The following RORA variants were observed in gnomAD, a reference collection of about 807,000 sequenced individuals.
RORA encodes nuclear receptor ROR-alpha.
In RORA, 7 loss-of-function variants were observed where a neutral mutation model predicts 69.5. The observed-to-expected ratio is 0.10, with a 90% CI of 0.06 to 0.19. The LOEUF (loss-of-function observed/expected upper bound fraction) is 0.19, where lower values mean the gene tolerates loss of function less well. Among genes scored for constraint, RORA ranks in the 10% least tolerant of loss-of-function variants. The pLI, the probability that RORA is intolerant of heterozygous loss-of-function variation, is 1.00. For synonymous variants in RORA, 261 were observed against 240.8 expected (o/e 1.08, Z -0.78); for missense variants, 457 against 663.0 (o/e 0.69, Z 3.41).
intron 2 of RORA, chr15:60,558,436 C>G (rs770257956): frequency 1.9e-5 from 11 of 589,668 alleles, no homozygotes; most frequent in Non-Finnish European, 3.3e-5. Flanking sequence ...TAATAGATCT[C>G]ATACACCAGA....
At chr15:60,915,788 C>G (rs1401357329) in intron 1 of RORA, among the ~76,000 whole-genome samples, 1 of 152,138 alleles carries the variant, frequency 6.6e-6, no homozygotes, top group African/African-American at 2.4e-5. Context: ...GGGTTCAAAT[C>G]CCAACAGGCT....
At chr15:61,102,117 G>C (rs2078888652) in intron 1 of RORA, among the ~76,000 whole-genome samples, 1 of 152,082 alleles carries the variant, frequency 6.6e-6, no homozygotes. Flanking sequence ...TCAGCACAAG[G>C]TTCTGCACCC....
At chr15:60,910,362 T>A (rs1182975232) in intron 1 of RORA, among the ~76,000 whole-genome samples, 1 of 152,212 alleles carries the variant, frequency 6.6e-6, no homozygotes, top group Non-Finnish European at 1.5e-5. Flanking sequence ...TGAATATTAA[T>A]CCCAGGCAAG....
chr15:60,735,514 C>T (rs1228626093), intron 1 of RORA, among the ~76,000 whole-genome samples: 1 of 151,784 alleles, frequency 6.6e-6, no homozygotes, highest in Non-Finnish European at 1.5e-5. Context: ...TGAAATAAAA[C>T]CAGATGCGCT....
intron 1 of RORA, among the ~76,000 whole-genome samples, chr15:61,186,951 AT>A (rs2079749279): frequency 6.6e-6 from 1 of 152,200 alleles, no homozygotes; most frequent in African/African-American, 2.4e-5. Context: ...ATGGCTCCCA[AT>A]CTTGGAGGCA....
chr15:61,171,838 G>A (rs2079587914), intron 1 of RORA, among the ~76,000 whole-genome samples: 1 of 152,164 alleles, frequency 6.6e-6, no homozygotes, highest in South Asian at 2.1e-4. Flanking sequence ...TGAGGCAGCT[G>A]GGGAGAGGAA....
At chr15:60,608,147 T>C (rs2140573363) in intron 2 of RORA, among the ~76,000 whole-genome samples, 1 of 152,332 alleles carries the variant, frequency 6.6e-6, no homozygotes, top group Non-Finnish European at 1.5e-5. Context: ...AGATAAATTT[T>C]CTCGGCTCCT....
At chr15:60,987,365 C>T (rs1283890162) in intron 1 of RORA, among the ~76,000 whole-genome samples, 1 of 152,150 alleles carries the variant, frequency 6.6e-6, no homozygotes, top group African/African-American at 2.4e-5. Flanking sequence ...AAGCTCAACT[C>T]AAATCCTACC....
intron 2 of RORA, among the ~76,000 whole-genome samples, chr15:60,565,960 C>T (rs143206464): frequency 4.1e-4 from 63 of 152,320 alleles, no homozygotes; most frequent in African/African-American, 1.4e-3. Context: ...TGCTGGTAAA[C>T]TGTTAATTAA....
At position 61,219,748 on chromosome 15, in the gene RORA, T is replaced by C. The variant is rs563491223; in HGVS notation, c.166+9305A>G. ...TTACCTTTGTCAGCATCAGTTCAAA[T>C]AGGGTGGGCTAGGCTCGCTGATTCA... On this transcript the variant is annotated intron_variant, in intron 1 of 10. Coordinates refer to ENST00000335670, the MANE Select transcript of RORA (RefSeq NM_134261.3). 8.0e-4 allele frequency among the ~76,000 whole-genome samples: 122 copies of C among 152,260 alleles called. 1 individual carries two copies. Among genetic ancestry groups the C allele is most frequent in the African/African-American group, 2.7e-3 (111 of 41,544 alleles).
intron 1 of RORA, among the ~76,000 whole-genome samples, chr15:61,178,895 G>A (rs1401197587): frequency 6.6e-6 from 1 of 152,152 alleles, no homozygotes; most frequent in African/African-American, 2.4e-5. Flanking sequence ...TTCTGATGGG[G>A]TAAAATGTAT....
At chr15:61,067,698 G>A (rs951359296) in intron 1 of RORA, among the ~76,000 whole-genome samples, 9 of 152,246 alleles carry the variant, frequency 5.9e-5, no homozygotes, top group South Asian at 2.1e-4. Context: ...GTTCTCATCC[G>A]GTACAACATG....
chr15:60,607,359 C>A, intron 2 of RORA, among the ~76,000 whole-genome samples: 1 of 152,198 alleles, frequency 6.6e-6, no homozygotes, highest in East Asian at 1.9e-4. Flanking sequence ...CCCCTTCCCC[C>A]TATAAAGTGA....
chr15:61,170,452 A>G (rs1304620616), intron 1 of RORA, among the ~76,000 whole-genome samples: 1 of 152,050 alleles, frequency 6.6e-6, no homozygotes, highest in Non-Finnish European at 1.5e-5. Flanking sequence ...CCCGCCTCTT[A>G]TAAGGACCTG....
At chr15:61,099,305 A>G (rs946174146) in intron 1 of RORA, among the ~76,000 whole-genome samples, 9 of 152,088 alleles carry the variant, frequency 5.9e-5, no homozygotes, top group African/African-American at 2.2e-4. Flanking sequence ...CCGGTTCACA[A>G]CCTCCCAGTG....
chr15:61,087,441 C>A (rs993908963), intron 1 of RORA, among the ~76,000 whole-genome samples: 1 of 152,236 alleles, frequency 6.6e-6, no homozygotes, highest in Non-Finnish European at 1.5e-5. Context: ...TTGAAATTCA[C>A]TCAGCTGTTT....
intron 1 of RORA, among the ~76,000 whole-genome samples, chr15:60,779,218 G>A (rs141880470): frequency 1.7e-3 from 258 of 152,242 alleles, no homozygotes; most frequent in African/African-American, 5.4e-3. Flanking sequence ...ATGAAAACCC[G>A]TCCTAGGAAC....
chr15:60,966,912 C>T (rs895594807), intron 1 of RORA, among the ~76,000 whole-genome samples: 2 of 152,200 alleles, frequency 1.3e-5, no homozygotes, highest in Non-Finnish European at 2.9e-5. Context: ...CTCTCAACTG[C>T]CATGATGTTT....
intron 1 of RORA, among the ~76,000 whole-genome samples, chr15:60,728,346 C>T (rs907490218): frequency 2.8e-4 from 43 of 152,186 alleles, no homozygotes; most frequent in African/African-American, 1.0e-3. Context: ...TACCCATCCT[C>T]CCAACTCACC....
Sources: allele counts gnomAD v4.1 joint callset (sites outside exome capture counted in the v4.1 genomes callset), GRCh38; gene constraint gnomAD v4.1.1; transcripts MANE v1.5; gene names NCBI Gene and HGNC (gene_info 2026-07-23, HGNC 2026-07-21).